The following CGNL1 variants were observed in gnomAD, a reference collection of about 807,000 sequenced individuals.
The protein encoded by CGNL1 is cingulin-like protein 1.
CGNL1 carries 132 observed loss-of-function variants against 141.2 expected under a neutral mutation model. The observed-to-expected ratio is 0.93, with a 90% CI of 0.81 to 1.08. The LOEUF (loss-of-function observed/expected upper bound fraction) is 1.08. Among genes scored for constraint, CGNL1 ranks in the 50% least tolerant of loss-of-function variants. The probability of loss-of-function intolerance (pLI) is 0.00; values close to 1 mark genes in which losing one functional copy is unlikely to be tolerated. For missense variants in CGNL1, 1,870 were observed against 1,588.6 expected (o/e 1.18, Z -3.01); for synonymous variants, 690 against 622.1 (o/e 1.11, Z -1.63).
intron 14 of CGNL1, among the ~76,000 whole-genome samples, chr15:57,534,095 GT>G (rs1484442784): frequency 6.6e-6 from 1 of 152,162 alleles, no homozygotes; most frequent in Non-Finnish European, 1.5e-5. Context: ...CTGCAAGAAG[GT>G]TTCATACATC....
Position 57,462,448 on chromosome 15 carries a change from T to C in CGNL1, c.2403+556T>C, listed in dbSNP as rs74016210. ...TAATTGAATTCTTGGCTCCTACAAA[T>C]AGATTCAAAATTATGCTGAAGTCTT... On this transcript the variant is annotated intron_variant, in intron 8 of 18. Transcript: ENST00000281282. 7.1e-3 allele frequency among the ~76,000 whole-genome samples: 1,076 copies of C among 152,316 alleles called. 10 individuals are homozygous for C. Among genetic ancestry groups the C allele is most frequent in the African/African-American group, 0.024 (986 of 41,562 alleles).
intron 8 of CGNL1, among the ~76,000 whole-genome samples, chr15:57,513,540 G>A (rs1220344879): frequency 6.6e-6 from 1 of 151,712 alleles, no homozygotes. Flanking sequence ...TTTTTTTTGA[G>A]ATGGAGTCTC....
intron 1 of CGNL1, among the ~76,000 whole-genome samples, chr15:57,386,968 A>G (rs1355332082): frequency 6.6e-6 from 1 of 152,116 alleles, no homozygotes; most frequent in Non-Finnish European, 1.5e-5. Context: ...TTTAAAGTGT[A>G]CAGTGCAGTG....
intron 8 of CGNL1, among the ~76,000 whole-genome samples, chr15:57,482,177 G>C (rs1484656535): frequency 2.0e-5 from 3 of 151,652 alleles, no homozygotes; most frequent in Non-Finnish European, 2.9e-5. Context: ...TGAGCACTTT[G>C]TCAAATATGT....
chr15:57,524,109 C>T (rs181791516), intron 11 of CGNL1, among the ~76,000 whole-genome samples: 34 of 152,302 alleles, frequency 2.2e-4, no homozygotes, highest in African/African-American at 6.0e-4. Context: ...GGAGTTGACA[C>T]GAGTGTCTGC....
intron 1 of CGNL1, among the ~76,000 whole-genome samples, chr15:57,385,038 A>C (rs2082593681): frequency 6.6e-6 from 1 of 152,208 alleles, no homozygotes; most frequent in African/African-American, 2.4e-5. Flanking sequence ...TCTTATCTGA[A>C]GGGCATCCCG....
chr15:57,429,921 C>T (rs554806080), intron 1 of CGNL1, among the ~76,000 whole-genome samples: 1 of 152,306 alleles, frequency 6.6e-6, no homozygotes, highest in African/African-American at 2.4e-5. Flanking sequence ...GCTGATCCTC[C>T]TATCTCAGCC....
chr15:57,438,922 C>A lies in CGNL1; in HGVS notation c.923C>A (p.Ser308Tyr), dbSNP rs566211271. 1.9e-6 allele frequency: 3 copies of A among 1,614,110 alleles called. No individual in the cohort carries two copies. The highest frequency in any genetic ancestry group is 3.3e-5 in the Admixed American group (2 of 60,014). ...TCCACAACTCCCACGTCAGCCAACT[C>A]TTTGTACAGGTTTTTACTGGATGAT... ...SSSTTPTSAN[S>Y]LYRFLLDDQE... is the part of the protein sequence containing the mutation. Residue 308 changes from serine to tyrosine, a missense_variant, in exon 2 of 19, where the codon TCT becomes TAT. Transcript: ENST00000281282.
Position 57,546,298 on chromosome 15 carries a change from C to T in CGNL1, c.3773+59C>T. ...AATCTCCCCACAGTTGAGACAGGCT[C>T]TGCTTTCAGAGCATTCACACTCCTG... On this transcript the variant is annotated intron_variant, in intron 18 of 18. Coordinates refer to ENST00000281282, the MANE Select transcript of CGNL1 (RefSeq NM_032866.5). 10 of 1,490,530 alleles carry T rather than the reference C, an allele frequency of 6.7e-6. 1 individual carries two copies. In the South Asian group the frequency reaches 1.1e-4, roughly 16 times the overall value. 92.3% of individuals were successfully genotyped at this position (1,490,530 alleles called of 1,614,324 possible). A position where few individuals can be genotyped will look rare whatever the true frequency, so the allele number is the denominator to read the frequency against.
intron 1 of CGNL1, chr15:57,405,818 CTTT>C (rs2062713655): frequency 2.1e-5 from 2 of 93,676 alleles, no homozygotes; most frequent in Non-Finnish European, 2.2e-5. Context: ...TTCCTTCTTT[CTTT>C]CTTTCTTTTT....
At chr15:57,400,119 G>T (rs1265823033) in intron 1 of CGNL1, among the ~76,000 whole-genome samples, 8 of 151,732 alleles carry the variant, frequency 5.3e-5, no homozygotes, top group South Asian at 2.1e-4. Context: ...TAAGCCTCTC[G>T]AGTAGTTGGG....
chr15:57,396,277 GTT>G (rs57154500), intron 1 of CGNL1, among the ~76,000 whole-genome samples: 7,353 of 128,998 alleles, frequency 0.057, 294 homozygotes, highest in African/African-American at 0.14. Context: ...TTCTTTCTTT[GTT>G]TTTTTTTTTT....
intron 1 of CGNL1, among the ~76,000 whole-genome samples, chr15:57,426,612 A>ATTT (rs35055374): frequency 8.4e-6 from 1 of 119,644 alleles, no homozygotes; most frequent in Non-Finnish European, 1.7e-5. Context: ...ATGCTTGGCT[A>ATTT]TTTTTTTTTT....
At chr15:57,477,978 C>T (rs1383450382) in intron 8 of CGNL1, among the ~76,000 whole-genome samples, 14 of 152,210 alleles carry the variant, frequency 9.2e-5, no homozygotes, top group Non-Finnish European at 1.5e-5. Context: ...TGTGTAGCCA[C>T]TGGTGTTGAC....
Position 57,475,608 on chromosome 15 carries a change from G to A in CGNL1, c.2403+13716G>A, listed in dbSNP as rs1161306616. On this transcript the variant is annotated intron_variant, in intron 8 of 18. Coordinates refer to ENST00000281282, the MANE Select transcript of CGNL1 (RefSeq NM_032866.5). ...GCCTAGTTAATGAGCAATAGATGGA[G>A]TGACTGAATACTTTTGACACACCAC... Among the ~76,000 whole-genome samples, 4 of 152,068 alleles carry A rather than the reference G, an allele frequency of 2.6e-5. No homozygotes were observed. In the East Asian group the frequency reaches 7.8e-4, roughly 29 times the overall value.
intron 4 of CGNL1, 50 bp from the exon 5 acceptor site, chr15:57,451,445 TTAAAA>T (rs1218285943): frequency 4.6e-6 from 6 of 1,296,100 alleles, no homozygotes; most frequent in African/African-American, 3.0e-5. Context: ...GGGAAGATAA[TTAAAA>T]TAAAGCACCC....
intron 14 of CGNL1, among the ~76,000 whole-genome samples, chr15:57,534,771 A>G (rs1273443346): frequency 1.3e-5 from 2 of 152,224 alleles, no homozygotes; most frequent in East Asian, 3.8e-4. Context: ...CTTGAACCCA[A>G]GTAATAACAT....
At chr15:57,494,739 C>T (rs2063913077) in intron 8 of CGNL1, among the ~76,000 whole-genome samples, 1 of 152,182 alleles carries the variant, frequency 6.6e-6, no homozygotes, top group East Asian at 1.9e-4. Flanking sequence ...GAACTCTAGC[C>T]ACTTGCAATG....
intron 8 of CGNL1, among the ~76,000 whole-genome samples, chr15:57,491,237 T>C (rs2063858068): frequency 6.6e-6 from 1 of 152,200 alleles, no homozygotes; most frequent in Non-Finnish European, 1.5e-5. Context: ...GGGAATTTTG[T>C]ATTATTTTAG....
Sources: allele counts gnomAD v4.1 joint callset (sites outside exome capture counted in the v4.1 genomes callset), GRCh38; gene constraint gnomAD v4.1.1; transcripts MANE v1.5; gene names NCBI Gene and HGNC (gene_info 2026-07-23, HGNC 2026-07-21).